Variants in MNAT1 observed in about 807,000 individuals in gnomAD.
MNAT1 encodes MNAT1 component of CDK activating kinase, also known as CDK-activating kinase assembly factor MAT1.
MNAT1 carries 43 observed loss-of-function variants against 42.0 expected under a neutral mutation model. The observed-to-expected ratio is 1.02, with a 90% CI of 0.80 to 1.32. The LOEUF (loss-of-function observed/expected upper bound fraction) is 1.32. MNAT1 is among the 40% of genes most tolerant of loss of function. The pLI, the probability that MNAT1 is intolerant of heterozygous loss-of-function variation, is 0.00. For synonymous variants in MNAT1, 118 were observed against 120.0 expected, an observed-to-expected ratio of 0.98 and a Z score of 0.11; for missense variants, 306 against 350.4, an observed-to-expected ratio of 0.87 and a Z score of 1.01.
In MNAT1 at chr14:60,913,145, C is replaced by T. The variant is rs567810003; in HGVS notation, c.809+33310C>T. ...GTTACTGAGGCTTGTGCATTCATCACGTAGTTCTTTTGCCTTGGTTTTCAG... is the reference window on the plus strand; with the variant it reads ...GTTACTGAGGCTTGTGCATTCATCATGTAGTTCTTTTGCCTTGGTTTTCAG... On this transcript the variant is annotated intron_variant, in intron 7 of 7. Coordinates refer to ENST00000261245, the MANE Select transcript of MNAT1 (RefSeq NM_002431.4). Among the ~76,000 whole-genome samples the T allele has an allele frequency of 4.6e-5, 7 of 152,312 alleles. No homozygotes were observed. In the South Asian group the frequency reaches 6.2e-4, roughly 14 times the overall value.
At chr14:60,806,234 G>A (rs2032364606) in intron 3 of MNAT1, among the ~76,000 whole-genome samples, 2 of 152,228 alleles carry the variant, frequency 1.3e-5, no homozygotes, top group Admixed American at 1.3e-4. Context: ...ACAATGTATT[G>A]TAAGCATTCA....
At chr14:60,923,643 G>A (rs2139557044) in intron 7 of MNAT1, among the ~76,000 whole-genome samples, 1 of 152,128 alleles carries the variant, frequency 6.6e-6, no homozygotes, top group South Asian at 2.1e-4. Flanking sequence ...AAATTTTTAT[G>A]TGATCTTCTA....
In MNAT1 at chr14:60,818,702, A is replaced by T; in HGVS notation, c.562-20A>T. ...TTTTCCCTTTTTACATTTCTTATTG[A>T]ACTTGAACTATTCTTACAGGAGAGT... On this transcript the variant is annotated intron_variant, in intron 5 of 7. Coordinates refer to ENST00000261245, the MANE Select transcript of MNAT1 (RefSeq NM_002431.4). The T allele has an allele frequency of 6.5e-7, 1 of 1,536,320 alleles. No homozygotes were observed. Among genetic ancestry groups the T allele is most frequent in the African/African-American group, 1.4e-5 (1 of 72,808 alleles).
At chr14:60,909,416 G>C (rs550034088) in intron 7 of MNAT1, among the ~76,000 whole-genome samples, 2 of 152,148 alleles carry the variant, frequency 1.3e-5, no homozygotes, top group African/African-American at 4.8e-5. Flanking sequence ...TGTCCTGAAT[G>C]GTATTGCCTA....
In MNAT1 at chr14:60,839,561, C is replaced by T. The variant is rs2033487929; in HGVS notation, c.687+20714C>T. ...TAACACAAACAGGACTGAAATACGT[C>T]CCCCTGCTCACCATGTTTGGGGGTG... On this transcript the variant is annotated intron_variant, in intron 6 of 7. Coordinates refer to ENST00000261245, the MANE Select transcript of MNAT1 (RefSeq NM_002431.4). 2.0e-5 allele frequency among the ~76,000 whole-genome samples: 3 copies of T among 152,256 alleles called. No individual in the cohort carries two copies. The South Asian group carries it at 6.2e-4, about 32-fold the overall frequency.
At position 60,875,855 on chromosome 14, in the gene MNAT1, T is replaced by C. The variant is rs537860298; in HGVS notation, c.688-3859T>C. ...CTTAAGTATTATCTTCCTTGGAAGG[T>C]AATCCAGCTCTTGAAAATACCCATT... On this transcript the variant is annotated intron_variant, in intron 6 of 7. Transcript: ENST00000261245. Among the ~76,000 whole-genome samples the C allele has an allele frequency of 5.3e-5, 8 of 152,252 alleles. No homozygotes were observed. In the East Asian group the frequency reaches 1.5e-3, roughly 29 times the overall value.
At chr14:60,767,359 G>A (rs780966082) in intron 1 of MNAT1, among the ~76,000 whole-genome samples, 1 of 152,094 alleles carries the variant, frequency 6.6e-6, no homozygotes, top group Non-Finnish European at 1.5e-5. Flanking sequence ...CCTTAGTCTG[G>A]CTCAGTATTT....
At chr14:60,906,503 G>A (rs937264884) in intron 7 of MNAT1, among the ~76,000 whole-genome samples, 9 of 152,116 alleles carry the variant, frequency 5.9e-5, no homozygotes, top group Non-Finnish European at 8.8e-5. Context: ...TAGCAGTATA[G>A]TTCATAAGAA....
At chr14:60,799,930 T>C (rs994505845) in intron 3 of MNAT1, among the ~76,000 whole-genome samples, 1 of 152,104 alleles carries the variant, frequency 6.6e-6, no homozygotes, top group Non-Finnish European at 1.5e-5. Context: ...TCTGCTATTA[T>C]GTGTATTCAT....
intron 5 of MNAT1, among the ~76,000 whole-genome samples, chr14:60,815,712 A>G (rs1390810106): frequency 1.3e-5 from 2 of 152,152 alleles, no homozygotes; most frequent in Non-Finnish European, 2.9e-5. Flanking sequence ...GCAAGTCATT[A>G]CTGCACATAC....
intron 1 of MNAT1, among the ~76,000 whole-genome samples, chr14:60,742,317 G>T (rs1896496220): frequency 6.6e-6 from 1 of 151,836 alleles, no homozygotes; most frequent in Non-Finnish European, 1.5e-5. Context: ...CAAACTCCTG[G>T]CCTCAAGTGA....
intron 6 of MNAT1, among the ~76,000 whole-genome samples, chr14:60,864,649 A>T (rs147004193): frequency 7.9e-5 from 12 of 152,184 alleles, no homozygotes; most frequent in Non-Finnish European, 1.6e-4. Flanking sequence ...TATCTGCCTG[A>T]CTTTAATAAA....
intron 1 of MNAT1, among the ~76,000 whole-genome samples, chr14:60,795,329 G>A (rs1011634643): frequency 6.6e-6 from 1 of 152,086 alleles, no homozygotes; most frequent in East Asian, 1.9e-4. Context: ...ATCTGTTGGG[G>A]TAGGGCAGGG....
intron 7 of MNAT1, among the ~76,000 whole-genome samples, chr14:60,885,820 A>G (rs2034656143): frequency 6.6e-6 from 1 of 151,938 alleles, no homozygotes; most frequent in African/African-American, 2.4e-5. Flanking sequence ...TTGGTGTCTT[A>G]TCCAGAAAAC....
chr14:60,830,534 A>G (rs375778336), intron 6 of MNAT1, among the ~76,000 whole-genome samples: 86 of 152,306 alleles, frequency 5.6e-4, no homozygotes, highest in African/African-American at 1.9e-3. Context: ...TGGGAATCTT[A>G]TAAGGCTCCA....
At chr14:60,960,044 C>T (rs552464606) in intron 7 of MNAT1, among the ~76,000 whole-genome samples, 17 of 151,192 alleles carry the variant, frequency 1.1e-4, no homozygotes, top group Non-Finnish European at 1.6e-4. Flanking sequence ...CAAGTTTATC[C>T]ATTCTCTTGT....
At position 60,834,883 on chromosome 14, in the gene MNAT1, G is replaced by T. The variant is rs952745339; in HGVS notation, c.687+16036G>T. On this transcript the variant is annotated intron_variant, in intron 6 of 7. Coordinates refer to ENST00000261245, the MANE Select transcript of MNAT1 (RefSeq NM_002431.4). ...GGTGCATATATATTTAGGATAGTTAGCTCTTCTTGTTGCATTGATCCCTTT... is the reference window on the plus strand; with the variant it reads ...GGTGCATATATATTTAGGATAGTTATCTCTTCTTGTTGCATTGATCCCTTT... Among the ~76,000 whole-genome samples, 4 of 151,788 alleles carry T rather than the reference G, an allele frequency of 2.6e-5. No individual in the cohort carries two copies. The East Asian group carries it at 7.8e-4, about 30-fold the overall frequency.
intron 7 of MNAT1, 180 bp downstream of exon 7, chr14:60,880,015 T>G: frequency 2.1e-6 from 1 of 480,148 alleles, no homozygotes; most frequent in Non-Finnish European, 3.4e-6. Context: ...GTGGACTTGT[T>G]AGGTCTCTTG....
chr14:60,908,941 A>G (rs1322445957), intron 7 of MNAT1, among the ~76,000 whole-genome samples: 1 of 152,194 alleles, frequency 6.6e-6, no homozygotes, highest in Non-Finnish European at 1.5e-5. Context: ...TCCCACCAAC[A>G]GTGTAAAAGT....
Sources: gnomAD v4.1 joint callset for allele counts (sites outside exome capture counted in the v4.1 genomes callset) on GRCh38, gnomAD v4.1.1 for gene constraint, MANE v1.5 for transcripts, NCBI Gene and HGNC (gene_info 2026-07-23, HGNC 2026-07-21) for gene names.